TMPRSS13: variants seen among roughly 807,000 people sequenced by gnomAD.
The protein encoded by TMPRSS13 is transmembrane serine protease 13, also known as transmembrane protease serine 13.
A neutral mutation model predicts 68.4 loss-of-function variants in TMPRSS13; 50 were observed. The observed-to-expected ratio is 0.73, with a 90% CI of 0.58 to 0.93. The LOEUF is 0.93. Ranked by LOEUF, TMPRSS13 falls within the 40% of genes least tolerant of loss-of-function variation. TMPRSS13 has a pLI of 0.00. For synonymous variants in TMPRSS13, 267 were observed against 285.8 expected, an observed-to-expected ratio of 0.93 and a Z score of 0.66; for missense variants, 615 against 729.2, an observed-to-expected ratio of 0.84 and a Z score of 1.80.
intron 1 of TMPRSS13, among the ~76,000 whole-genome samples, chr11:117,923,274 C>A (rs11216625): frequency 0.037 from 5,626 of 152,290 alleles, 204 homozygotes; most frequent in East Asian, 0.17. Context: ...AGGGTTAGAT[C>A]CCCCCTGAGG....
rs917570716 is a variant in TMPRSS13, at chr11:117,901,602, C to T, written c.*637G>A. 6.6e-6 allele frequency: 1 copy of T among 152,170 alleles called. No homozygotes were observed. The highest frequency in any genetic ancestry group is 1.9e-4 in the East Asian group (1 of 5,192). The allele number at this position is 152,170 out of a possible 1,614,324, so 9.4% of individuals were successfully genotyped here. On this transcript the variant is annotated 3_prime_UTR_variant, in exon 13 of 13. Transcript: ENST00000524993. ...AAAAATAAAATAAAATAAAACCCGC[C>T]CCAGCAGCTTGTGACCAAATGAGTA...
Position 117,915,043 on chromosome 11 carries a change from T to C in TMPRSS13, c.557-529A>G, listed in dbSNP as rs2057563033. ...AGGTTTTTTGCTTCTCCCTCTCCCC[T>C]GCGCAAGGGACACCTCTATGCTCAG... is the stretch of plus-strand genomic sequence containing the variant. On this transcript the variant is annotated intron_variant, in intron 3 of 12. Transcript: ENST00000524993. This position sits in a 1 kb window ranked among gnomAD's most constrained non-coding sequence, Gnocchi z 4.9. 6.6e-6 allele frequency among the ~76,000 whole-genome samples: 1 copy of C among 152,208 alleles called. No individual in the cohort carries two copies. The highest frequency in any genetic ancestry group is 1.5e-5 in the Non-Finnish European group (1 of 68,036).
intron 2 of TMPRSS13, 70 bp downstream of exon 2, chr11:117,918,339 C>T: frequency 6.5e-7 from 1 of 1,548,532 alleles, no homozygotes; most frequent in Non-Finnish European, 8.8e-7. Flanking sequence ...AGCACACTGG[C>T]TCTGAGATTT....
At position 117,903,793 on chromosome 11, in the gene TMPRSS13, C is replaced by T; in HGVS notation, c.1539G>A (p.Gly513=). Reference sequence around the variant, plus strand: ...GGTTGTTCTGCTCACAGACAAGAGGCCCCCCGCTGTCTCCCTGCAGGGGAG... The same window carrying T: ...GGTTGTTCTGCTCACAGACAAGAGGTCCCCCGCTGTCTCCCTGCAGGGGAG... ...GRDSCQGDSG[G]PLVCEQNNRW... is the part of the protein sequence containing the mutation. The change falls in exon 12 of 13, where the codon GGG becomes GGA. Residue 513 remains glycine, a synonymous_variant. Transcript: ENST00000524993. 3 of 1,610,568 alleles carry T rather than the reference C, an allele frequency of 1.9e-6. No homozygotes were observed. The highest frequency in any genetic ancestry group is 2.2e-5 in the South Asian group (2 of 90,346).
chr11:117,919,032 C>A (rs1282568037), intron 1 of TMPRSS13, among the ~76,000 whole-genome samples, 194 bp from the exon 2 acceptor site: 1 of 152,140 alleles, frequency 6.6e-6, no homozygotes, highest in Non-Finnish European at 1.5e-5. Flanking sequence ...CTGCTGTCCC[C>A]CAGCTCCCCT....
At position 117,903,430 on chromosome 11, in the gene TMPRSS13, C is replaced by T. The variant is rs1441638358; in HGVS notation, c.1677+225G>A. The T allele has an allele frequency of 1.1e-5, 17 of 1,536,270 alleles. No individual in the cohort carries two copies. In the Admixed American group the frequency reaches 1.8e-4, roughly 16 times the overall value. ...ACTGCCTGCCTGGCCTGTAGGTCCA[C>T]CCTTTTTCAACCCGCTGAGCTCTGT... On this transcript the variant is annotated intron_variant, in intron 12 of 12. Transcript: ENST00000524993.
At chr11:117,925,281 A>G (rs1462968555) in intron 1 of TMPRSS13, among the ~76,000 whole-genome samples, 2 of 152,192 alleles carry the variant, frequency 1.3e-5, no homozygotes, top group African/African-American at 2.4e-5. Context: ...CTTGAAAGGG[A>G]CTGGCCAGAG....
intron 12 of TMPRSS13, chr11:117,902,894 G>C: frequency 1.1e-6 from 1 of 871,416 alleles, no homozygotes; most frequent in Admixed American, 5.2e-5. Flanking sequence ...GAGGGTGGAA[G>C]TGGGAGAGGG....
chr11:117,910,854 A>G (rs1329673258), intron 6 of TMPRSS13, 104 bp from the exon 7 acceptor site: 2 of 1,064,578 alleles, frequency 1.9e-6, no homozygotes, highest in Non-Finnish European at 2.7e-6. Context: ...TTTCCAAGGA[A>G]GCTACCCTTT....
chr11:117,905,501 C>G (rs1358889813), intron 10 of TMPRSS13, 137 bp downstream of exon 10: 9 of 621,624 alleles, frequency 1.4e-5, no homozygotes, highest in Middle Eastern at 2.7e-4. Flanking sequence ...CACACCCAGG[C>G]CCATGAATCC....
intron 6 of TMPRSS13, 92 bp from the exon 7 acceptor site, chr11:117,910,842 T>C: frequency 8.3e-7 from 1 of 1,198,712 alleles, no homozygotes; most frequent in Non-Finnish European, 1.2e-6. Context: ...GTTCCTATCC[T>C]GTTTCCAAGG....
intron 9 of TMPRSS13, chr11:117,907,888 GA>G (rs1419062698): frequency 4.3e-6 from 4 of 919,722 alleles, no homozygotes; most frequent in Non-Finnish European, 5.0e-6. Flanking sequence ...GTGAATGGAT[GA>G]ATGATGAGTG....
chr11:117,923,054 G>A (rs1320830554), intron 1 of TMPRSS13, among the ~76,000 whole-genome samples: 1 of 152,218 alleles, frequency 6.6e-6, no homozygotes, highest in Non-Finnish European at 1.5e-5. Flanking sequence ...GGGCTAAAAG[G>A]AGCAGCCCCT....
intron 1 of TMPRSS13, among the ~76,000 whole-genome samples, chr11:117,920,623 G>T (rs2057635072): frequency 6.6e-6 from 1 of 152,038 alleles, no homozygotes; most frequent in African/African-American, 2.4e-5. Context: ...CGAGAAGCTG[G>T]GATTATATGC....
At chr11:117,903,429 A>G (rs2057428282) in intron 12 of TMPRSS13, 11 of 1,536,248 alleles carry the variant, frequency 7.2e-6, no homozygotes, top group Non-Finnish European at 9.6e-6. Flanking sequence ...CTGTAGGTCC[A>G]CCCTTTTTCA....
At position 117,909,967 on chromosome 11, in the gene TMPRSS13, G is replaced by C. The variant is rs763351383; in HGVS notation, c.948C>G (p.His316Gln). 44 of 1,613,752 alleles carry C rather than the reference G, an allele frequency of 2.7e-5. No individual in the cohort carries two copies. In the South Asian group the frequency reaches 4.6e-4, roughly 17 times the overall value. ...GCCCGGTCATGGCCCTCAGTCCGCA[G>C]TCTGGAGGGAAGGAGTAGACGTACT... Reference protein sequence around the residue: ...SQRYISLQCSHCGLRAMTGRI... With the variant: ...SQRYISLQCSQCGLRAMTGRI... The change falls in exon 8 of 13, where the codon CAC becomes CAG. Residue 316 changes from histidine (H) to glutamine (Q), a missense_variant and splice_region_variant. Physicochemically the swap from His to Gln is conservative, Grantham distance 24. Transcript: ENST00000524993.
At chr11:117,917,367 G>T in intron 2 of TMPRSS13, 93 bp from the exon 3 acceptor site, 3 of 931,916 alleles carry the variant, frequency 3.2e-6, no homozygotes, top group Non-Finnish European at 5.0e-6. Flanking sequence ...GCCCAGGAGG[G>T]CCCCGTGAGG....
intron 10 of TMPRSS13, 130 bp downstream of exon 10, chr11:117,905,508 A>C: frequency 3.0e-6 from 2 of 672,580 alleles, no homozygotes; most frequent in South Asian, 1.8e-5. Context: ...AGGCCCATGA[A>C]TCCGTATACC....
intron 10 of TMPRSS13, among the ~76,000 whole-genome samples, chr11:117,905,054 C>T (rs1458051241): frequency 6.6e-6 from 1 of 151,218 alleles, no homozygotes; most frequent in African/African-American, 2.4e-5. Context: ...ATCACCATGC[C>T]CAGCTAATTT....
Sources: allele counts gnomAD v4.1 joint callset (sites outside exome capture counted in the v4.1 genomes callset), GRCh38; gene constraint gnomAD v4.1.1; non-coding constraint Gnocchi (gnomAD v3.1); transcripts MANE v1.5; gene names NCBI Gene and HGNC (gene_info 2026-07-23, HGNC 2026-07-21).